Variants in CLVS1 observed in about 807,000 individuals in gnomAD.
CLVS1 encodes clavesin 1, also known as clavesin-1.
In CLVS1, 10 loss-of-function variants were observed where a neutral mutation model predicts 33.1. That is an observed-to-expected ratio of 0.30 (90% CI 0.19 to 0.51). CLVS1 has a LOEUF of 0.51. Ranked by LOEUF, CLVS1 falls within the 20% of genes least tolerant of loss-of-function variation. CLVS1 has a pLI of 0.97. For missense variants in CLVS1, 343 were observed against 433.4 expected (o/e 0.79, Z 1.85); for synonymous variants, 163 against 166.1 (o/e 0.98, Z 0.14).
intron 3 of CLVS1, among the ~76,000 whole-genome samples, chr8:61,451,529 C>G (rs1421507366): frequency 1.3e-5 from 2 of 152,060 alleles, no homozygotes; most frequent in African/African-American, 2.4e-5. Context: ...GCTCTTTAGT[C>G]TCCAAGAACA....
At position 61,201,470 on chromosome 8, in the gene CLVS1, G is replaced by C. The variant is rs1807731098; in HGVS notation, c.-152+69610G>C. ...AAAACAAAAACAAAAAGCAAAAGAAGACCAAAGGAAATCTAAAGAGAAAGA... is the reference window on the plus strand; with the variant it reads ...AAAACAAAAACAAAAAGCAAAAGAACACCAAAGGAAATCTAAAGAGAAAGA... On this transcript the variant is annotated intron_variant, in intron 2 of 2. Coordinates refer to the CLVS1 transcript ENST00000522621. Among the ~76,000 whole-genome samples the C allele has an allele frequency of 2.0e-5, 3 of 152,144 alleles. No homozygotes were observed. The East Asian group carries it at 5.8e-4, about 29-fold the overall frequency.
intron 2 of CLVS1, among the ~76,000 whole-genome samples, chr8:61,209,710 C>A (rs1376982396): frequency 7.2e-6 from 1 of 138,676 alleles, no homozygotes; most frequent in African/African-American, 2.8e-5. Flanking sequence ...GATTGGCTTA[C>A]TTTTGCACAT....
intron 2 of CLVS1, among the ~76,000 whole-genome samples, chr8:61,272,130 A>G (rs985318425): frequency 1.1e-4 from 17 of 151,418 alleles, no homozygotes; most frequent in Admixed American, 4.6e-4. Context: ...AGCGGCTGGT[A>G]CTGGTTGTTC....
At chr8:61,087,029 C>T (rs955480018) in intron 1 of CLVS1, among the ~76,000 whole-genome samples, 4 of 152,206 alleles carry the variant, frequency 2.6e-5, no homozygotes, top group Non-Finnish European at 5.9e-5. Context: ...TCCAATGGCC[C>T]TGGGTGCTAA....
intron 2 of CLVS1, among the ~76,000 whole-genome samples, chr8:61,360,875 A>G (rs1812945808): frequency 6.6e-6 from 1 of 152,212 alleles, no homozygotes; most frequent in African/African-American, 2.4e-5. Flanking sequence ...GTACTTCTAT[A>G]AAGAAATATC....
At chr8:61,118,986 A>G (rs1180631416) in intron 1 of CLVS1, among the ~76,000 whole-genome samples, 1 of 152,186 alleles carries the variant, frequency 6.6e-6, no homozygotes, top group Non-Finnish European at 1.5e-5. Flanking sequence ...AAAGTCTCCC[A>G]TTATTAATGT....
chr8:61,073,845 T>C (rs1804846776), intron 1 of CLVS1, among the ~76,000 whole-genome samples: 1 of 150,926 alleles, frequency 6.6e-6, no homozygotes, highest in South Asian at 2.1e-4. Flanking sequence ...ACCCCGTCTC[T>C]ACTAAAAATA....
chr8:61,136,853 A>G (rs1253669851), intron 2 of CLVS1, among the ~76,000 whole-genome samples: 2 of 152,216 alleles, frequency 1.3e-5, no homozygotes, highest in Admixed American at 6.5e-5. Context: ...ATGTTAAGAA[A>G]ACAAAGGGCA....
intron 3 of CLVS1, among the ~76,000 whole-genome samples, chr8:61,425,302 T>G (rs936599562): frequency 1.3e-5 from 2 of 152,208 alleles, no homozygotes; most frequent in African/African-American, 4.8e-5. Context: ...ATTGTTTTCA[T>G]TGGGTAGGAT....
chr8:61,338,458 G>A (rs1585822747), intron 2 of CLVS1, among the ~76,000 whole-genome samples: 1 of 152,286 alleles, frequency 6.6e-6, no homozygotes, highest in South Asian at 2.1e-4. Flanking sequence ...TAGGCACAGG[G>A]TGGAGTCTGA....
At chr8:60,969,972 T>C in the CLVS1 span, among the ~76,000 whole-genome samples, 1 of 152,170 alleles carries the variant, frequency 6.6e-6, no homozygotes, top group African/African-American at 2.4e-5. Context: ...TTCATGGATA[T>C]TGGTATTTGA....
rs1454138094 is a variant in CLVS1 at position 61,500,439 on chromosome 8, G to T, written c.*897G>T. The T allele has an allele frequency of 6.6e-6, 1 of 152,186 alleles. No homozygotes were observed. Among genetic ancestry groups the T allele is most frequent in the Admixed American group, 6.5e-5 (1 of 15,272 alleles). The allele number at this position is 152,186 out of a possible 1,614,324, so 9.4% of individuals were successfully genotyped here. On this transcript the variant is annotated 3_prime_UTR_variant, in exon 6 of 6. Transcript: ENST00000325897. The stretch of plus-strand genomic sequence containing the variant: ...CCACAACCCTCCTGCAACCATTAAA[G>T]ATGTGGAGAAAGACCATGGTTGTTG...
chr8:61,485,128 A>G (rs1323482573), intron 5 of CLVS1, among the ~76,000 whole-genome samples: 1 of 151,908 alleles, frequency 6.6e-6, no homozygotes, highest in African/African-American at 2.4e-5. Context: ...TCTGCACAGC[A>G]AAAGAAACTA....
At chr8:61,365,771 G>A (rs566374967) in intron 2 of CLVS1, among the ~76,000 whole-genome samples, 1 of 141,456 alleles carries the variant, frequency 7.1e-6, no homozygotes, top group East Asian at 1.9e-4. Flanking sequence ...GTGTGTGTGT[G>A]TGTGCGTGTG....
intron 2 of CLVS1, among the ~76,000 whole-genome samples, chr8:61,275,176 T>C (rs1809537488): frequency 6.6e-6 from 1 of 152,144 alleles, no homozygotes; most frequent in Non-Finnish European, 1.5e-5. Context: ...AGATTGCTTT[T>C]ATTTTTATTT....
intron 2 of CLVS1, among the ~76,000 whole-genome samples, chr8:61,165,839 CT>C: frequency 6.6e-6 from 1 of 152,322 alleles, no homozygotes; most frequent in Non-Finnish European, 1.5e-5. Flanking sequence ...CAGAGTTTGA[CT>C]CTTTTTGTTG....
intron 1 of CLVS1, among the ~76,000 whole-genome samples, chr8:61,084,962 A>T (rs1226325688): frequency 9.2e-5 from 14 of 152,206 alleles, no homozygotes; most frequent in African/African-American, 2.9e-4. Flanking sequence ...GTTTTCACAT[A>T]ATAGTACAAA....
At chr8:61,150,289 T>C (rs879730309) in intron 2 of CLVS1, among the ~76,000 whole-genome samples, 3 of 152,172 alleles carry the variant, frequency 2.0e-5, no homozygotes, top group Non-Finnish European at 4.4e-5. Context: ...GGGAAGGCAC[T>C]GAGCTTGCCA....
chr8:61,136,779 A>AC (rs1352851870), intron 2 of CLVS1, among the ~76,000 whole-genome samples: 1 of 152,048 alleles, frequency 6.6e-6, no homozygotes, highest in African/African-American at 2.4e-5. Context: ...GTACAGCAAA[A>AC]CCCCATGACA....
Sources: allele counts gnomAD v4.1 joint callset (sites outside exome capture counted in the v4.1 genomes callset), GRCh38; gene constraint gnomAD v4.1.1; transcripts MANE v1.5; gene names NCBI Gene and HGNC (gene_info 2026-07-23, HGNC 2026-07-21).